WDPCP: variants seen among roughly 807,000 people sequenced by gnomAD.
WDPCP encodes WD repeat containing planar cell polarity effector, also known as WD repeat-containing and planar cell polarity effector protein fritz homolog.
Under a neutral mutation model 93.1 loss-of-function variants are expected in WDPCP, and 71 were observed. The ratio of observed to expected loss-of-function variants is 0.76; its 90% CI spans 0.63 to 0.93. The LOEUF is 0.93. Ranked by LOEUF, WDPCP falls within the 40% of genes least tolerant of loss-of-function variation. The pLI is 0.00. For synonymous variants in WDPCP, 315 were observed against 315.0 expected, an observed-to-expected ratio of 1.00 and a Z score of 0.00; for missense variants, 844 against 887.4, an observed-to-expected ratio of 0.95 and a Z score of 0.62.
At position 63,433,783 on chromosome 2, in the gene WDPCP, T is replaced by G. The variant is rs770872721; in HGVS notation, c.787A>C (p.Asn263His). 6.2e-7 allele frequency: 1 copy of G among 1,613,772 alleles called. No individual in the cohort carries two copies. The highest frequency in any genetic ancestry group is 1.1e-5 in the South Asian group (1 of 90,956). Residue 263 changes from asparagine (N) to histidine (H), a missense_variant, in exon 9 of 18, where the codon AAT becomes CAT. Transcript: ENST00000272321. Reference protein sequence around the residue: ...APISSEKDRANLLLLGYAQGR... With the variant: ...APISSEKDRAHLLLLGYAQGR... ...TGAGCATAACCCAGGAGGAGTAGAT[T>G]GGCTCTGTCCTTCTCAGAAGAAATG...
intron 13 of WDPCP, among the ~76,000 whole-genome samples, chr2:63,292,893 G>A (rs1055188991): frequency 1.3e-5 from 2 of 152,188 alleles, no homozygotes; most frequent in Non-Finnish European, 2.9e-5. Flanking sequence ...TTCAATTTCA[G>A]CTCTTAGCAC....
Position 63,404,570 on chromosome 2 carries a change from A to T in WDPCP, c.913T>A (p.Ser305Thr). ...QPYQVFTVEH[S>T]VSVDKEPMAD... ...ATGGGCTCTTTGTCTACACTTACGG[A>T]GTGCTCCACTGTGAACACCTGATAA... The change falls in exon 10 of 18, where the codon TCC (serine) becomes ACC (threonine). Residue 305 changes from serine to threonine, a missense_variant. By Grantham distance (58) the Ser-to-Thr change is moderately conservative. Coordinates refer to ENST00000272321, the MANE Select transcript of WDPCP (RefSeq NM_015910.7). 9 of 1,613,980 alleles carry T rather than the reference A, an allele frequency of 5.6e-6. No individual in the cohort carries two copies. Among genetic ancestry groups the T allele is most frequent in the Non-Finnish European group, 6.8e-6 (8 of 1,179,954 alleles).
At chr2:63,440,142 T>G (rs770210784) in intron 6 of WDPCP, 2 of 371,210 alleles carry the variant, frequency 5.4e-6, no homozygotes, top group Non-Finnish European at 1.0e-5. Context: ...TCTAATCTTC[T>G]AAATACTTAG....
intron 13 of WDPCP, among the ~76,000 whole-genome samples, chr2:63,309,679 CTA>C (rs1282437940): frequency 1.3e-5 from 2 of 152,088 alleles, no homozygotes; most frequent in African/African-American, 4.8e-5. Flanking sequence ...ATTCTCATGT[CTA>C]TATAAGACAT....
chr2:63,388,042 T>A (rs897998187), intron 10 of WDPCP, among the ~76,000 whole-genome samples: 1 of 152,134 alleles, frequency 6.6e-6, no homozygotes, highest in Admixed American at 6.6e-5. Flanking sequence ...AAAATGACTT[T>A]ACTGCCCAAA....
At chr2:63,702,533 C>T (rs1013659333) in intron 2 of WDPCP, among the ~76,000 whole-genome samples, 5 of 92,066 alleles carry the variant, frequency 5.4e-5, no homozygotes, top group African/African-American at 2.7e-4. Context: ...TAATAGCTAC[C>T]CATTCTTTTT....
At chr2:63,832,095 A>G (rs1441476510), upstream of WDPCP, among the ~76,000 whole-genome samples, 1 of 152,222 alleles carries the variant, frequency 6.6e-6, no homozygotes, top group Non-Finnish European at 1.5e-5. Flanking sequence ...TTCTTCTACT[A>G]GTCTTACCTA....
chr2:63,194,267 G>A (rs916738369), intron 14 of WDPCP, among the ~76,000 whole-genome samples: 1 of 151,998 alleles, frequency 6.6e-6, no homozygotes, highest in Admixed American at 6.6e-5. Flanking sequence ...TGGAGGAAGT[G>A]TTAGGATGTT....
chr2:63,121,560 G>A lies in WDPCP; in HGVS notation c.*446C>T, dbSNP rs566014787. ...ATTTTTAAAATTTTTTCTAGAGACA[G>A]CGTTTCACTATGTTGCACAGGCTAG... On this transcript the variant is annotated 3_prime_UTR_variant, in exon 18 of 18. Coordinates refer to ENST00000272321, the MANE Select transcript of WDPCP (RefSeq NM_015910.7). The A allele has an allele frequency of 1.1e-3, 170 of 155,642 alleles. 2 individuals are homozygous for A. In the Middle Eastern group the frequency reaches 0.017, roughly 15 times the overall value. The allele number at this position is 155,642 out of a possible 1,614,324, so 9.6% of individuals were successfully genotyped here. A position where few individuals can be genotyped will look rare whatever the true frequency, so the allele number is the denominator to read the frequency against.
intron 6 of WDPCP, among the ~76,000 whole-genome samples, chr2:63,447,615 A>C (rs1697954242): frequency 6.6e-6 from 1 of 152,136 alleles, no homozygotes. Flanking sequence ...TTTTGTTCTT[A>C]TTACATTGCC....
At chr2:63,688,012 G>A (rs1668834946) in intron 2 of WDPCP, among the ~76,000 whole-genome samples, 1 of 152,184 alleles carries the variant, frequency 6.6e-6, no homozygotes, top group Non-Finnish European at 1.5e-5. Flanking sequence ...AGCATAAAAA[G>A]GATGAGATCC....
intron 13 of WDPCP, among the ~76,000 whole-genome samples, chr2:63,288,969 C>A (rs4671474): frequency 0.8 from 121,778 of 151,934 alleles, 49,662 homozygotes; most frequent in East Asian, 0.96. Flanking sequence ...TACCAAGGAA[C>A]GGATGTTGTG....
At chr2:63,208,266 T>C (rs1676491500) in intron 14 of WDPCP, among the ~76,000 whole-genome samples, 1 of 152,204 alleles carries the variant, frequency 6.6e-6, no homozygotes, top group Non-Finnish European at 1.5e-5. Context: ...GAGATGTGAT[T>C]GCAACCCTTT....
intron 2 of WDPCP, among the ~76,000 whole-genome samples, chr2:63,806,274 G>A (rs1034455255): frequency 1.3e-5 from 2 of 152,092 alleles, no homozygotes; most frequent in Admixed American, 1.3e-4. Context: ...CGTCCGGGGG[G>A]GACATCACAT....
intron 14 of WDPCP, among the ~76,000 whole-genome samples, chr2:63,225,911 C>G (rs914111851): frequency 6.6e-6 from 1 of 151,824 alleles, no homozygotes; most frequent in Non-Finnish European, 1.5e-5. Flanking sequence ...GAAGATGGGA[C>G]AAAAGAGCCT....
intron 2 of WDPCP, among the ~76,000 whole-genome samples, chr2:63,751,249 T>G (rs976824395): frequency 2.0e-5 from 3 of 152,196 alleles, no homozygotes; most frequent in African/African-American, 4.8e-5. Context: ...GTATAAAATT[T>G]TAGTAATGGT....
At chr2:63,660,352 G>A (rs536731091) in intron 2 of WDPCP, among the ~76,000 whole-genome samples, 4 of 152,236 alleles carry the variant, frequency 2.6e-5, no homozygotes, top group Admixed American at 2.0e-4. Flanking sequence ...CAGTTTCAAG[G>A]CAAAGAATTC....
At chr2:63,522,587 A>C (rs1292439351) in intron 1 of WDPCP, among the ~76,000 whole-genome samples, 1 of 152,136 alleles carries the variant, frequency 6.6e-6, no homozygotes, top group East Asian at 1.9e-4. Flanking sequence ...AAAGAAAAAG[A>C]GAGAAGATCT....
chr2:63,733,454 G>A (rs1320366895), intron 2 of WDPCP, among the ~76,000 whole-genome samples: 1 of 146,192 alleles, frequency 6.8e-6, no homozygotes, highest in Admixed American at 6.7e-5. Flanking sequence ...CACCCGCCTC[G>A]GCCTCCCAAA....
Sources: allele counts gnomAD v4.1 joint callset (sites outside exome capture counted in the v4.1 genomes callset), GRCh38; gene constraint gnomAD v4.1.1; transcripts MANE v1.5; gene names NCBI Gene and HGNC (gene_info 2026-07-23, HGNC 2026-07-21).